Variants in TNIK observed in about 807,000 individuals in gnomAD.
TNIK encodes TRAF2 and NCK-interacting protein kinase.
A neutral mutation model predicts 191.3 loss-of-function variants in TNIK; 49 were observed. That is an observed-to-expected ratio of 0.26 (90% confidence interval 0.20 to 0.32). The LOEUF is 0.32. TNIK is among the 10% of genes least tolerant of loss of function. TNIK has a pLI of 1.00. For missense variants in TNIK, 1,155 were observed against 1,702.3 expected, an observed-to-expected ratio of 0.68 and a Z score of 5.66; for synonymous variants, 594 against 600.9, an observed-to-expected ratio of 0.99 and a Z score of 0.17.
At chr3:171,103,440 G>C (rs543087813) in intron 21 of TNIK, among the ~76,000 whole-genome samples, 1 of 152,078 alleles carries the variant, frequency 6.6e-6, no homozygotes. Flanking sequence ...CCTGGCAATT[G>C]TCAATGCTTA....
In TNIK at chr3:171,211,646, C is replaced by A. The variant is rs548997908; in HGVS notation, c.181-405G>T. Among the ~76,000 whole-genome samples, 4 of 152,192 alleles carry A rather than the reference C, an allele frequency of 2.6e-5. No individual in the cohort carries two copies. The South Asian group carries it at 8.3e-4, about 32-fold the overall frequency. ...AAATGAAAGATATTAAAACCGTGGG[C>A]GCTCAGATTTAAATTTTGTTAGGTT... On this transcript the variant is annotated intron_variant, in intron 3 of 32. Transcript: ENST00000436636.
At chr3:171,222,256 C>G (rs371237010) in intron 3 of TNIK, among the ~76,000 whole-genome samples, 1 of 152,076 alleles carries the variant, frequency 6.6e-6, no homozygotes, top group African/African-American at 2.4e-5. Flanking sequence ...CTGACTGGCT[C>G]GATTTGAATT....
intron 28 of TNIK, among the ~76,000 whole-genome samples, chr3:171,074,321 T>C (rs1486413523): frequency 6.6e-6 from 1 of 152,046 alleles, no homozygotes; most frequent in Non-Finnish European, 1.5e-5. Context: ...GGGGTGCACA[T>C]GGACACAAAG....
intron 2 of TNIK, among the ~76,000 whole-genome samples, chr3:171,306,234 G>A (rs1050889558): frequency 3.2e-4 from 48 of 152,128 alleles, no homozygotes; most frequent in African/African-American, 1.1e-3. Flanking sequence ...TAGGAGGAGG[G>A]AGAAGTTCAG....
At chr3:171,390,433 G>T (rs117964504) in intron 1 of TNIK, among the ~76,000 whole-genome samples, 1 of 152,112 alleles carries the variant, frequency 6.6e-6, no homozygotes, top group Non-Finnish European at 1.5e-5. Flanking sequence ...AACCACCTTC[G>T]ATCTCTTTTT....
At chr3:171,130,948 A>G (rs1374101586) in intron 15 of TNIK, among the ~76,000 whole-genome samples, 1 of 152,196 alleles carries the variant, frequency 6.6e-6, no homozygotes, top group Non-Finnish European at 1.5e-5. Context: ...CAAAGACTCT[A>G]TCTTGGGCAA....
chr3:171,417,684 C>T (rs1008893047), intron 1 of TNIK, among the ~76,000 whole-genome samples: 1 of 152,174 alleles, frequency 6.6e-6, no homozygotes, highest in Non-Finnish European at 1.5e-5. Context: ...TTGCTGAAAT[C>T]AGATTGCTCA....
chr3:171,113,561 G>A (rs1379583225), intron 18 of TNIK, among the ~76,000 whole-genome samples: 6 of 151,180 alleles, frequency 4.0e-5, no homozygotes, highest in African/African-American at 7.3e-5. Flanking sequence ...AGCGGAGATC[G>A]CGCTACTGCA....
At chr3:171,130,226 TCA>T (rs1729048485) in intron 15 of TNIK, among the ~76,000 whole-genome samples, 3 of 152,214 alleles carry the variant, frequency 2.0e-5, no homozygotes, top group Non-Finnish European at 4.4e-5. Flanking sequence ...GCAGACTCAA[TCA>T]AATATACAAA....
At chr3:171,122,259 C>T (rs148123473) in intron 18 of TNIK, among the ~76,000 whole-genome samples, 182 of 152,246 alleles carry the variant, frequency 1.2e-3, no homozygotes, top group African/African-American at 3.9e-3. Flanking sequence ...ACAGAGCCCC[C>T]GGGGGCAGGG....
At chr3:171,277,494 T>C (rs1749891003) in intron 2 of TNIK, among the ~76,000 whole-genome samples, 1 of 152,172 alleles carries the variant, frequency 6.6e-6, no homozygotes. Flanking sequence ...CTAACACTAT[T>C]TTGATTAAAA....
At chr3:171,293,568 T>G (rs971268592) in intron 2 of TNIK, among the ~76,000 whole-genome samples, 3 of 152,242 alleles carry the variant, frequency 2.0e-5, no homozygotes, top group African/African-American at 4.8e-5. Flanking sequence ...ACCTTTCTAA[T>G]AGTGGCTAGT....
intron 2 of TNIK, among the ~76,000 whole-genome samples, chr3:171,316,711 G>A (rs1331708908): frequency 6.6e-6 from 1 of 151,984 alleles, no homozygotes; most frequent in Non-Finnish European, 1.5e-5. Flanking sequence ...GCTCCTACCT[G>A]TGCTTCAAAA....
intron 2 of TNIK, among the ~76,000 whole-genome samples, chr3:171,303,252 G>T (rs1315449804): frequency 2.6e-5 from 4 of 152,266 alleles, no homozygotes; most frequent in African/African-American, 9.6e-5. Context: ...GTTGGAGACA[G>T]TCAGCCCTGC....
chr3:171,311,942 G>A (rs1754058338), intron 2 of TNIK, among the ~76,000 whole-genome samples: 3 of 151,830 alleles, frequency 2.0e-5, no homozygotes, highest in Non-Finnish European at 4.4e-5. Context: ...CGCAAGGTCA[G>A]GAAGTGCCAA....
intron 1 of TNIK, among the ~76,000 whole-genome samples, chr3:171,392,297 G>C (rs1423698165): frequency 2.6e-5 from 4 of 152,072 alleles, no homozygotes; most frequent in Non-Finnish European, 5.9e-5. Context: ...TATTGAAAAG[G>C]GTGATTCCAG....
At chr3:171,391,416 C>G (rs1466587022) in intron 1 of TNIK, among the ~76,000 whole-genome samples, 1 of 152,170 alleles carries the variant, frequency 6.6e-6, no homozygotes, top group African/African-American at 2.4e-5. Flanking sequence ...CATAAATTTT[C>G]CTCAGTGAAG....
At position 171,060,525 on chromosome 3, in the gene TNIK, T is replaced by G. The variant is rs1260183332; in HGVS notation, c.*3356A>C. On this transcript the variant is annotated 3_prime_UTR_variant, in exon 33 of 33. Transcript: ENST00000436636. ...ATTTCACCCATAACTTAATATACCC[T>G]GTTTAATAAAAATAATAGTTCTAGG... Among the ~76,000 whole-genome samples, 2 of 152,204 alleles carry G rather than the reference T, an allele frequency of 1.3e-5. No homozygotes were observed. The highest frequency in any genetic ancestry group is 2.9e-5 in the Non-Finnish European group (2 of 68,030).
At chr3:171,368,299 T>C (rs1039895498) in intron 2 of TNIK, among the ~76,000 whole-genome samples, 3 of 152,234 alleles carry the variant, frequency 2.0e-5, no homozygotes, top group African/African-American at 7.2e-5. Context: ...CTCCTTCATA[T>C]TGACAGCAAA....
Sources: allele counts gnomAD v4.1 joint callset (sites outside exome capture counted in the v4.1 genomes callset), GRCh38; gene constraint gnomAD v4.1.1; transcripts MANE v1.5; gene names NCBI Gene and HGNC (gene_info 2026-07-23, HGNC 2026-07-21).